DOCK10: variants seen among roughly 807,000 people sequenced by gnomAD.
The protein encoded by DOCK10 is dedicator of cytokinesis protein 10.
A neutral mutation model predicts 280.1 loss-of-function variants in DOCK10; 145 were observed. The ratio of observed to expected loss-of-function variants is 0.52; its 90% CI spans 0.45 to 0.59. The LOEUF (loss-of-function observed/expected upper bound fraction) is 0.59. Ranked by LOEUF, DOCK10 falls within the 20% of genes least tolerant of loss-of-function variation. The pLI is 0.00. For synonymous variants in DOCK10, 915 were observed against 942.2 expected (o/e 0.97, Z 0.53); for missense variants, 2,368 against 2,651.7 (o/e 0.89, Z 2.35).
intron 1 of DOCK10, among the ~76,000 whole-genome samples, chr2:224,951,611 C>T (rs1372139991): frequency 6.6e-6 from 1 of 152,172 alleles, no homozygotes; most frequent in African/African-American, 2.4e-5. Flanking sequence ...TTTCTATTGC[C>T]ACTGTAACAA....
Position 224,795,049 on chromosome 2 carries a change from T to G in DOCK10, c.4984A>C (p.Arg1662=), listed in dbSNP as rs773936888. The G allele has an allele frequency of 1.9e-6, 3 of 1,613,988 alleles. No homozygotes were observed. The East Asian group carries it at 6.7e-5, about 36-fold the overall frequency. Residue 1662 remains arginine, a synonymous_variant, in exon 45 of 56, where the codon AGG becomes CGG. Transcript: ENST00000258390. Reference sequence around the variant, plus strand: ...TGAGCTGTGGCCATCAAAACAGTCCTTATACGCTTAGTCAGGTCCTTCACC... The same window carrying G: ...TGAGCTGTGGCCATCAAAACAGTCCGTATACGCTTAGTCAGGTCCTTCACC... ...AEVKDLTKRI[R]TVLMATAQMK...
chr2:224,778,041 T>G, intron 51 of DOCK10, 97 bp downstream of exon 51: 1 of 1,296,964 alleles, frequency 7.7e-7, no homozygotes, highest in South Asian at 1.5e-5. Flanking sequence ...TGTAGTTTAC[T>G]TTGCATCGTC....
At chr2:224,972,187 C>G (rs896938634) in intron 1 of DOCK10, among the ~76,000 whole-genome samples, 1 of 152,154 alleles carries the variant, frequency 6.6e-6, no homozygotes, top group African/African-American at 2.4e-5. Context: ...ATTGGAAGTG[C>G]TCAGCAAAGA....
chr2:224,934,757 T>C (rs552556795), intron 1 of DOCK10, among the ~76,000 whole-genome samples: 1 of 152,236 alleles, frequency 6.6e-6, no homozygotes, highest in East Asian at 1.9e-4. Context: ...TTGAATTTAA[T>C]GTGCTTGTTT....
chr2:224,916,560 A>AC, intron 3 of DOCK10, 135 bp downstream of exon 3: 1 of 525,898 alleles, frequency 1.9e-6, no homozygotes. Flanking sequence ...AAAAAAAAAA[A>AC]AAGACATCCA....
chr2:225,023,654 A>T (rs564588577), intron 1 of DOCK10, among the ~76,000 whole-genome samples: 48 of 152,340 alleles, frequency 3.2e-4, no homozygotes, highest in Non-Finnish European at 5.1e-4. Context: ...CAGTATTTCT[A>T]AAGTTGAAGC....
chr2:224,908,166 T>TTGTGTGTGTGTG (rs369490326), intron 3 of DOCK10, among the ~76,000 whole-genome samples: 16 of 136,256 alleles, frequency 1.2e-4, no homozygotes, highest in African/African-American at 4.1e-4. Flanking sequence ...TTTAAATGAG[T>TTGTGTGTGTGTG]TGTGTGTGTG....
At chr2:224,800,536 T>A (rs1692911962) in intron 40 of DOCK10, among the ~76,000 whole-genome samples, 1 of 152,160 alleles carries the variant, frequency 6.6e-6, no homozygotes, top group South Asian at 2.1e-4. Context: ...GGGTCATATT[T>A]CTTTCATAAT....
chr2:224,928,256 T>C (rs1702143596), intron 2 of DOCK10, among the ~76,000 whole-genome samples: 1 of 145,144 alleles, frequency 6.9e-6, no homozygotes, highest in South Asian at 2.2e-4. Flanking sequence ...ACTTTTTCTG[T>C]AAAGCGTCAA....
intron 40 of DOCK10, among the ~76,000 whole-genome samples, chr2:224,801,047 T>C (rs186624419): frequency 6.6e-6 from 1 of 152,170 alleles, no homozygotes; most frequent in African/African-American, 2.4e-5. Context: ...AATGTCTGGG[T>C]TAAGAAAGGC....
intron 1 of DOCK10, among the ~76,000 whole-genome samples, chr2:225,013,158 G>T (rs983026798): frequency 1.3e-5 from 2 of 152,114 alleles, no homozygotes; most frequent in Admixed American, 1.3e-4. Flanking sequence ...GTCCTGATTA[G>T]TCCTTTGAGT....
Position 224,824,429 on chromosome 2 carries a change from C to CTTTTTT in DOCK10, c.3037-788_3037-783dup, listed in dbSNP as rs869275800. 7.1e-3 allele frequency among the ~76,000 whole-genome samples: 450 copies of CTTTTTT among 63,556 alleles called. 34 individuals carry two copies. Among genetic ancestry groups the CTTTTTT allele is most frequent in the African/African-American group, 0.019 (255 of 13,742 alleles). 41.7% of individuals were successfully genotyped at this position (63,556 alleles called of 152,430 possible). A position where few individuals can be genotyped will look rare whatever the true frequency, so the allele number is the denominator to read the frequency against. On this transcript the variant is annotated intron_variant, in intron 27 of 55. Coordinates refer to ENST00000258390, the MANE Select transcript of DOCK10 (RefSeq NM_014689.3). ...CCGAGTTCTTCCATCTCAGACTCTG[C>CTTTTTT]TTTTTTTTTTTTTTTTTTTTTTTTG...
At chr2:224,983,848 G>A (rs940143680) in intron 1 of DOCK10, 5 of 470,912 alleles carry the variant, frequency 1.1e-5, no homozygotes, top group African/African-American at 1.0e-4. Flanking sequence ...AATGATGCTG[G>A]CAAGTCCCCT....
At chr2:225,040,149 G>T (rs1690379312) in intron 1 of DOCK10, among the ~76,000 whole-genome samples, 1 of 152,088 alleles carries the variant, frequency 6.6e-6, no homozygotes, top group Non-Finnish European at 1.5e-5. Context: ...CACGGTTTTA[G>T]GTTCAGAAGG....
At chr2:224,812,845 T>C (rs1477315569) in intron 31 of DOCK10, among the ~76,000 whole-genome samples, 2 of 152,326 alleles carry the variant, frequency 1.3e-5, no homozygotes, top group African/African-American at 4.8e-5. Flanking sequence ...GCCCACTTGA[T>C]CATGGTGGAT....
intron 1 of DOCK10, among the ~76,000 whole-genome samples, chr2:225,023,492 A>C (rs918334266): frequency 6.6e-6 from 1 of 152,190 alleles, no homozygotes; most frequent in Non-Finnish European, 1.5e-5. Flanking sequence ...GGGAAATGCA[A>C]ATTTGAAAAG....
intron 1 of DOCK10, among the ~76,000 whole-genome samples, chr2:225,025,012 T>A (rs901799434): frequency 6.6e-6 from 1 of 152,210 alleles, no homozygotes; most frequent in African/African-American, 2.4e-5. Context: ...ATTGGTCATG[T>A]GTATTTCATA....
Position 224,874,134 on chromosome 2 carries a change from T to G in DOCK10, c.1119A>C (p.Lys373Asn). ...DPDIDTLKLQ[K>N]KDLLEPESVI... ...CAGACTCAGGTTCCAAGAGATCTTT[T>G]TTTTGAAGTTTCAAGGTCTAAAAAA... The change falls in exon 11 of 56, where the codon AAA becomes AAC. Residue 373 changes from lysine (K) to asparagine (N), a missense_variant. Around this residue, in one of 2 missense-constraint regions of DOCK10, gnomAD observed 1,209 missense variants for 1,250.9 expected, o/e 0.97. Transcript: ENST00000258390. 2 of 1,594,350 alleles carry G rather than the reference T, an allele frequency of 1.3e-6. No homozygotes were observed. Among genetic ancestry groups the G allele is most frequent in the Non-Finnish European group, 1.7e-6 (2 of 1,170,658 alleles).
chr2:224,845,594 A>T lies in DOCK10; in HGVS notation c.2284T>A (p.Phe762Ile). ...TCACAGGTGACGTGATAAAAAGAAAACAAAATATGGTGTTTCTCATGGAGT... is the reference window on the plus strand; with the variant it reads ...TCACAGGTGACGTGATAAAAAGAAATCAAAATATGGTGTTTCTCATGGAGT... ...TQLHEKHHILFSFYHVTCDIN... is the reference protein window; with the variant it reads ...TQLHEKHHILISFYHVTCDIN... The change falls in exon 20 of 56, where the codon TTT (phenylalanine) becomes ATT (isoleucine). Residue 762 changes from phenylalanine to isoleucine, a missense_variant. This residue lies in a region of DOCK10 where 1,209 missense variants were observed against 1,250.9 expected (regional missense o/e 0.97). Coordinates refer to ENST00000258390, the MANE Select transcript of DOCK10 (RefSeq NM_014689.3). 6.2e-7 allele frequency: 1 copy of T among 1,613,386 alleles called. No individual in the cohort carries two copies. Among genetic ancestry groups the T allele is most frequent in the Non-Finnish European group, 8.5e-7 (1 of 1,179,554 alleles).
Sources: gnomAD v4.1 joint callset for allele counts (sites outside exome capture counted in the v4.1 genomes callset) on GRCh38, gnomAD v4.1.1 for gene constraint, gnomAD v4.1.1 regional missense constraint, MANE v1.5 for transcripts, NCBI Gene and HGNC (gene_info 2026-07-23, HGNC 2026-07-21) for gene names.